The following AGPAT3 variants were observed in gnomAD, a reference collection of about 807,000 sequenced individuals.
AGPAT3 encodes the protein 1-acylglycerol-3-phosphate O-acyltransferase 3.
In AGPAT3, 5 loss-of-function variants were observed where a neutral mutation model predicts 47.3. The observed-to-expected ratio is 0.11, with a 90% CI of 0.06 to 0.22. The LOEUF (loss-of-function observed/expected upper bound fraction) is 0.22, where lower values mean the gene tolerates loss of function less well. Ranked by LOEUF, AGPAT3 falls within the 10% of genes least tolerant of loss-of-function variation. AGPAT3 has a pLI of 1.00. For synonymous variants in AGPAT3, 212 were observed against 208.3 expected (o/e 1.02, Z -0.15); for missense variants, 315 against 493.0 (o/e 0.64, Z 3.42).
intron 1 of AGPAT3, among the ~76,000 whole-genome samples, chr21:43,897,948 G>C (rs1317469981): frequency 6.6e-6 from 1 of 152,200 alleles, no homozygotes; most frequent in African/African-American, 2.4e-5. Context: ...AGACCAGCCC[G>C]GTCAACACGG....
intron 1 of AGPAT3, among the ~76,000 whole-genome samples, chr21:43,890,341 G>T (rs948062036): frequency 1.3e-5 from 2 of 152,188 alleles, no homozygotes; most frequent in African/African-American, 2.4e-5. Flanking sequence ...AAACTGAGCA[G>T]ATGCCACCAT....
intron 2 of AGPAT3, among the ~76,000 whole-genome samples, chr21:43,935,091 G>T (rs1047745001): frequency 1.3e-5 from 2 of 152,174 alleles, no homozygotes; most frequent in African/African-American, 4.8e-5. Context: ...AGGCTGGACA[G>T]GGGGGGCTTC....
At chr21:43,865,830 C>G (rs544352026) in intron 1 of AGPAT3, among the ~76,000 whole-genome samples, 44 of 152,122 alleles carry the variant, frequency 2.9e-4, no homozygotes, top group African/African-American at 1.1e-3. Context: ...CGCGGCGGAC[C>G]CGGGACCCCC....
At chr21:43,865,538 C>T (rs1458367487) in intron 1 of AGPAT3, among the ~76,000 whole-genome samples, 193 bp downstream of exon 1, 2 of 148,472 alleles carry the variant, frequency 1.3e-5, no homozygotes, top group African/African-American at 2.4e-5. Context: ...GGCGCGGGGC[C>T]GGGAGGAGGT....
At chr21:43,945,409 C>T (rs1055831901) in intron 2 of AGPAT3, among the ~76,000 whole-genome samples, 6 of 152,204 alleles carry the variant, frequency 3.9e-5, no homozygotes, top group African/African-American at 7.2e-5. Flanking sequence ...TTTCACTTCA[C>T]GTTTTATTGG....
At chr21:43,974,764 T>C (rs2089541544) in intron 7 of AGPAT3, among the ~76,000 whole-genome samples, 1 of 152,078 alleles carries the variant, frequency 6.6e-6, no homozygotes. Flanking sequence ...GCTGTGTGTG[T>C]CAGGGACCAC....
intron 2 of AGPAT3, among the ~76,000 whole-genome samples, chr21:43,950,281 C>T (rs1464641670): frequency 1.3e-5 from 2 of 152,234 alleles, no homozygotes; most frequent in Non-Finnish European, 2.9e-5. Context: ...ATTGAGGCTA[C>T]ACAATCGTCT....
chr21:43,974,220 A>ATGTGTGTATAAAT (rs1260594177), intron 7 of AGPAT3, among the ~76,000 whole-genome samples: 1 of 84,278 alleles, frequency 1.2e-5, no homozygotes, highest in Non-Finnish European at 2.7e-5. Context: ...CATATAAATT[A>ATGTGTGTATAAAT]TCTATGTGTG....
At chr21:43,978,323 G>T (rs951608453) in intron 8 of AGPAT3, among the ~76,000 whole-genome samples, 1 of 151,782 alleles carries the variant, frequency 6.6e-6, no homozygotes, top group African/African-American at 2.4e-5. Flanking sequence ...TGTTTTCTGA[G>T]ACAGGGTCTC....
chr21:43,979,466 G>A (rs1182308393), intron 8 of AGPAT3, among the ~76,000 whole-genome samples: 2 of 152,272 alleles, frequency 1.3e-5, no homozygotes, highest in African/African-American at 2.4e-5. Context: ...GTCTCGTGCT[G>A]TGATGCCTAC....
rs558321132 is a variant in AGPAT3, at chr21:43,891,635, CAAA to C, written c.-111-12311_-111-12309del. Among the ~76,000 whole-genome samples, 963 of 114,086 alleles carry C rather than the reference CAAA, an allele frequency of 8.4e-3. 11 individuals carry two copies. The highest frequency in any genetic ancestry group is 0.03 in the African/African-American group (927 of 30,826). The allele number at this position is 114,086 out of a possible 152,430, so 74.8% of individuals were successfully genotyped here. On this transcript the variant is annotated intron_variant, in intron 1 of 9. Transcript: ENST00000291572. ...GTGACAGAGCGAGACTCCATCTAAA[CAAA>C]AAAAAAAAAAGGGAGCAACTCCTCA...
rs1470707096 is a variant in AGPAT3 at position 43,978,521 on chromosome 21, C to CT, written c.843+401dup. On this transcript the variant is annotated intron_variant, in intron 8 of 9. Transcript: ENST00000291572. ...AATGAGGTCCCACTATGTTTCCAGG[C>CT]TGGTATTCAACTCCTGGGCTCAAGC... Among the ~76,000 whole-genome samples the CT allele has an allele frequency of 3.3e-5, 5 of 152,250 alleles. No homozygotes were observed. In the South Asian group the frequency reaches 1.0e-3, roughly 32 times the overall value.
chr21:43,981,231 A>G lies in AGPAT3; in HGVS notation c.1042+44A>G, dbSNP rs1400295833. 5 of 1,601,746 alleles carry G rather than the reference A, an allele frequency of 3.1e-6. No homozygotes were observed. Among genetic ancestry groups the G allele is most frequent in the South Asian group, 1.1e-5 (1 of 90,640 alleles). ...AACAGCTCACACTCTGACGGGCCTC[A>G]CAGTATCAGCCACAGGGTCCGGGAC... On this transcript the variant is annotated intron_variant, in intron 9 of 9. Coordinates refer to ENST00000291572, the MANE Select transcript of AGPAT3 (RefSeq NM_020132.5). This position sits in a 1 kb window ranked among gnomAD's most constrained non-coding sequence, Gnocchi z 5.3.
At chr21:43,890,127 G>T (rs926209385) in intron 1 of AGPAT3, among the ~76,000 whole-genome samples, 2 of 152,134 alleles carry the variant, frequency 1.3e-5, no homozygotes, top group African/African-American at 4.8e-5. Flanking sequence ...TGGTGGGAGG[G>T]GATCGGATCC....
chr21:43,973,186 C>T (rs950578238), intron 7 of AGPAT3, among the ~76,000 whole-genome samples: 15 of 152,346 alleles, frequency 9.8e-5, no homozygotes, highest in African/African-American at 2.9e-4. Flanking sequence ...TCTCCCGACC[C>T]GGGGTCAGTG....
intron 2 of AGPAT3, among the ~76,000 whole-genome samples, chr21:43,904,376 G>A (rs1016777133): frequency 3.9e-5 from 6 of 152,144 alleles, no homozygotes; most frequent in African/African-American, 9.7e-5. Flanking sequence ...GGGCTGCCCC[G>A]GCTCTGTTAG....
intron 2 of AGPAT3, among the ~76,000 whole-genome samples, chr21:43,907,508 G>A (rs901853284): frequency 2.0e-5 from 3 of 152,178 alleles, no homozygotes; most frequent in Non-Finnish European, 4.4e-5. Context: ...ACGAGGTCAG[G>A]AGATCGAGAC....
intron 3 of AGPAT3, among the ~76,000 whole-genome samples, chr21:43,961,195 GTGATGC>G (rs1358395890): frequency 6.6e-6 from 1 of 151,972 alleles, no homozygotes; most frequent in Non-Finnish European, 1.5e-5. Context: ...AGAAAACTGC[GTGATGC>G]TGATATCCAG....
chr21:43,979,250 G>C (rs1601484574), intron 8 of AGPAT3, among the ~76,000 whole-genome samples: 1 of 131,702 alleles, frequency 7.6e-6, no homozygotes, highest in African/African-American at 3.0e-5. Flanking sequence ...CAGGAGCCAG[G>C]ATCGCCCCAT....
Sources: gnomAD v4.1 joint callset for allele counts (sites outside exome capture counted in the v4.1 genomes callset) on GRCh38, gnomAD v4.1.1 for gene constraint, Gnocchi (gnomAD v3.1) non-coding constraint, MANE v1.5 for transcripts, NCBI Gene and HGNC (gene_info 2026-07-23, HGNC 2026-07-21) for gene names.